Variants in ATP11A observed in about 807,000 individuals in gnomAD.
ATP11A encodes the protein phospholipid-transporting ATPase IH.
A neutral mutation model predicts 154.4 loss-of-function variants in ATP11A; 81 were observed. The ratio of observed to expected loss-of-function variants is 0.52; its 90% confidence interval spans 0.44 to 0.63. ATP11A has a LOEUF of 0.63. Ranked by LOEUF, ATP11A falls within the 30% of genes least tolerant of loss-of-function variation. ATP11A has a pLI of 0.00. For synonymous variants in ATP11A, 623 were observed against 585.9 expected (o/e 1.06, Z -0.91); for missense variants, 1,316 against 1,474.3 (o/e 0.89, Z 1.76).
At chr13:112,733,971 C>T (rs9577833) in intron 1 of ATP11A, among the ~76,000 whole-genome samples, 17 of 152,004 alleles carry the variant, frequency 1.1e-4, no homozygotes, top group African/African-American at 3.6e-4. Context: ...TTTCACTGAT[C>T]GGTCATTTGT....
At chr13:112,728,614 T>G (rs1434880708) in intron 1 of ATP11A, among the ~76,000 whole-genome samples, 1 of 147,570 alleles carries the variant, frequency 6.8e-6, no homozygotes, top group Non-Finnish European at 1.5e-5. Context: ...CGTGAGACCG[T>G]GCGGCCCGCC....
chr13:112,800,322 A>G (rs918981403), intron 2 of ATP11A, among the ~76,000 whole-genome samples: 2 of 152,194 alleles, frequency 1.3e-5, no homozygotes, highest in South Asian at 2.1e-4. Context: ...GGGCATCACT[A>G]CTGGTAACAT....
intron 1 of ATP11A, among the ~76,000 whole-genome samples, chr13:112,774,434 G>A (rs918569353): frequency 2.0e-5 from 3 of 152,220 alleles, no homozygotes; most frequent in Admixed American, 6.5e-5. Flanking sequence ...TTGGAGAAAT[G>A]GGAGACGATG....
At chr13:112,704,264 AGTT>A (rs770882816) in intron 1 of ATP11A, among the ~76,000 whole-genome samples, 2 of 152,188 alleles carry the variant, frequency 1.3e-5, no homozygotes, top group Non-Finnish European at 2.9e-5. Flanking sequence ...GTACTGGCCC[AGTT>A]GTTGTACGCA....
At chr13:112,740,154 A>ATCTC (rs1891402833) in intron 1 of ATP11A, among the ~76,000 whole-genome samples, 6 of 139,600 alleles carry the variant, frequency 4.3e-5, no homozygotes, top group African/African-American at 1.7e-4. Context: ...CTCTCTATAT[A>ATCTC]TATATATATA....
Position 112,862,491 on chromosome 13 carries a change from G to C in ATP11A, c.2907G>C (p.Thr969=), listed in dbSNP as rs201641974. ...LLRWRVFIYW[T]LLGLFDALVF... is the part of the protein sequence containing the mutation. ...GCTGGCGCGTGTTCATCTACTGGAC[G>C]CTCCTGGGACTGTTTGACGCACTGG... Residue 969 remains threonine, a synonymous_variant, in exon 25 of 30, where the codon ACG becomes ACC. Transcript: ENST00000375645. 6.2e-7 allele frequency: 1 copy of C among 1,614,018 alleles called. No individual in the cohort carries two copies. Among genetic ancestry groups the C allele is most frequent in the Non-Finnish European group, 8.5e-7 (1 of 1,180,002 alleles).
intron 8 of ATP11A, among the ~76,000 whole-genome samples, chr13:112,821,585 A>G (rs568317945): frequency 2.0e-4 from 31 of 152,340 alleles, no homozygotes; most frequent in African/African-American, 7.5e-4. Context: ...TATTGGGATT[A>G]TAGGCATGAG....
chr13:112,823,287 CCCG>C, intron 8 of ATP11A, 55 bp from the exon 9 acceptor site: 1 of 1,394,148 alleles, frequency 7.2e-7, no homozygotes, highest in Non-Finnish European at 1.0e-6. Context: ...CCTCTTGCCC[CCCG>C]CCCTGCCCAC....
chr13:112,843,172 C>T (rs181678724), intron 17 of ATP11A, among the ~76,000 whole-genome samples: 80 of 151,664 alleles, frequency 5.3e-4, no homozygotes, highest in African/African-American at 1.8e-3. Context: ...GAGTGACGCA[C>T]GGCTGAGTGC....
chr13:112,757,127 T>TA lies in ATP11A; in HGVS notation c.40-28007dup, dbSNP rs142047359. Among the ~76,000 whole-genome samples, 931 of 152,344 alleles carry TA rather than the reference T, an allele frequency of 6.1e-3. 9 individuals carry two copies. Among genetic ancestry groups the TA allele is most frequent in the African/African-American group, 0.022 (897 of 41,578 alleles). ...TTACTGCTGCTACAATCTGTAGTGT[T>TA]ACTGGTGGAGCTATGCAAGCTCGTG... On this transcript the variant is annotated intron_variant, in intron 1 of 29. Coordinates refer to ENST00000375645, the MANE Select transcript of ATP11A (RefSeq NM_015205.3).
chr13:112,728,903 G>A lies in ATP11A; in HGVS notation c.39+38448G>A, dbSNP rs182860709. Among the ~76,000 whole-genome samples the A allele has an allele frequency of 7.2e-3, 1,102 of 152,262 alleles. 9 individuals are homozygous for A. The highest frequency in any genetic ancestry group is 0.025 in the African/African-American group (1,041 of 41,536). ...ACAGTGGCTGCTGACCTCTGCTAGC[G>A]GCTTCCCTCCTGGGGGTGGCCCACT... On this transcript the variant is annotated intron_variant, in intron 1 of 29. Transcript: ENST00000375645.
chr13:112,768,820 C>T (rs1326975531), intron 1 of ATP11A, among the ~76,000 whole-genome samples: 1 of 152,118 alleles, frequency 6.6e-6, no homozygotes, highest in African/African-American at 2.4e-5. Context: ...ATCTGGAGGT[C>T]GGGTGCTGAG....
rs550093552 is a variant in ATP11A, at chr13:112,852,864, G to A, written c.1992-1415G>A. Among the ~76,000 whole-genome samples the A allele has an allele frequency of 6.6e-5, 10 of 152,208 alleles. No individual in the cohort carries two copies. The South Asian group carries it at 1.2e-3, about 19-fold the overall frequency. ...CTTATAATCTCCAGTCAGCAAGTGCGAAACATCTCTGAGCCTCAGCTTCCT... is the reference window on the plus strand; with the variant it reads ...CTTATAATCTCCAGTCAGCAAGTGCAAAACATCTCTGAGCCTCAGCTTCCT... On this transcript the variant is annotated intron_variant, in intron 18 of 29. Coordinates refer to ENST00000375645, the MANE Select transcript of ATP11A (RefSeq NM_015205.3).
rs2076773456 is a variant in ATP11A, at chr13:112,754,607, G to A, written c.40-30528G>A. 6.5e-6 allele frequency: 1 copy of A among 153,776 alleles called. No individual in the cohort carries two copies. Among genetic ancestry groups the A allele is most frequent in the East Asian group, 1.9e-4 (1 of 5,212 alleles). The allele number at this position is 153,776 out of a possible 1,614,324, so 9.5% of individuals were successfully genotyped here. On this transcript the variant is annotated intron_variant, in intron 1 of 29. Coordinates refer to ENST00000375645, the MANE Select transcript of ATP11A (RefSeq NM_015205.3). The surrounding 1 kb of genome is among the most constrained non-coding windows in gnomAD (Gnocchi z 5.3). Reference sequence around the variant, plus strand: ...CAGAACTTTCTCAGGCCACCTTCAGGGCCTCCTGGAGAGGTTGAGCCCCAG... The same window carrying A: ...CAGAACTTTCTCAGGCCACCTTCAGAGCCTCCTGGAGAGGTTGAGCCCCAG...
rs1892153749 is a variant in ATP11A at position 112,746,402 on chromosome 13, C to T, written c.40-38733C>T. The T allele has an allele frequency of 6.6e-6, 1 of 152,102 alleles. No individual in the cohort carries two copies. Among genetic ancestry groups the T allele is most frequent in the African/African-American group, 2.4e-5 (1 of 41,396 alleles). The allele number at this position is 152,102 out of a possible 1,614,324, so 9.4% of individuals were successfully genotyped here. A position where few individuals can be genotyped will look rare whatever the true frequency, so the allele number is the denominator to read the frequency against. On this transcript the variant is annotated intron_variant, in intron 1 of 29. Coordinates refer to ENST00000375645, the MANE Select transcript of ATP11A (RefSeq NM_015205.3). The surrounding 1 kb of genome is among the most constrained non-coding windows in gnomAD (Gnocchi z 4.1). ...CTGGGGTTCCGGTTCCCCACGTCCT[C>T]ACCGGGTAACTGGGGTTCCGGCTCC...
chr13:112,708,791 C>A (rs79977958), intron 1 of ATP11A, among the ~76,000 whole-genome samples: 3 of 152,206 alleles, frequency 2.0e-5, no homozygotes, highest in Non-Finnish European at 4.4e-5. Flanking sequence ...TAGCTTTGGT[C>A]GTCTTCCAAC....
At position 112,878,241 on chromosome 13, in the gene ATP11A, G is replaced by C; in HGVS notation, c.3352G>C (p.Glu1118Gln). 6.2e-7 allele frequency: 1 copy of C among 1,614,194 alleles called. No homozygotes were observed. Among genetic ancestry groups the C allele is most frequent in the Non-Finnish European group, 8.5e-7 (1 of 1,180,034 alleles). The change falls in exon 29 of 30, where the codon GAG (glutamate) becomes CAG (glutamine). Residue 1118 changes from glutamate to glutamine, a missense_variant. By Grantham distance (29) the Glu-to-Gln change is conservative. Around this residue, in one of 5 missense-constraint regions of ATP11A, gnomAD observed 294 missense variants for 290.2 expected, o/e 1.01. Transcript: ENST00000375645. ...GACTAAGAGCCAGTGCCTTTCTGTCGAGCAGTCAACCATCTTTATGCTTTC... is the reference window on the plus strand; with the variant it reads ...GACTAAGAGCCAGTGCCTTTCTGTCCAGCAGTCAACCATCTTTATGCTTTC... Reference protein sequence around the residue: ...VQTKSQCLSVEQSTIFMLSQT... With the variant: ...VQTKSQCLSVQQSTIFMLSQT...
chr13:112,826,827 T>G lies in ATP11A; in HGVS notation c.1157T>G (p.Phe386Cys). The change falls in exon 12 of 30, where the codon TTT becomes TGT. Residue 386 changes from phenylalanine to cysteine, a missense_variant. By Grantham distance (205) the Phe-to-Cys change is radical (BLOSUM62 -2). Around this residue, in one of 5 missense-constraint regions of ATP11A, gnomAD observed 876 missense variants for 1,006.8 expected, o/e 0.87. Coordinates refer to ENST00000375645, the MANE Select transcript of ATP11A (RefSeq NM_015205.3). ...SYFITWDEDM[F>C]DEETGEGPLV... is the part of the protein sequence containing the mutation. ...TTCATCACCTGGGACGAAGACATGTTTGACGAGGAGACTGGCGAGGGGCCT... is the reference window on the plus strand; with the variant it reads ...TTCATCACCTGGGACGAAGACATGTGTGACGAGGAGACTGGCGAGGGGCCT... 6.2e-7 allele frequency: 1 copy of G among 1,614,194 alleles called. No homozygotes were observed. The highest frequency in any genetic ancestry group is 8.5e-7 in the Non-Finnish European group (1 of 1,180,042).
chr13:112,755,037 G>A (rs999805584), intron 1 of ATP11A, among the ~76,000 whole-genome samples: 6 of 152,260 alleles, frequency 3.9e-5, no homozygotes, highest in African/African-American at 1.4e-4. Flanking sequence ...AGTAGCCAGG[G>A]CGCCGTCGTC....
Sources: allele counts gnomAD v4.1 joint callset (sites outside exome capture counted in the v4.1 genomes callset), GRCh38; gene constraint gnomAD v4.1.1; regional missense constraint gnomAD v4.1.1; non-coding constraint Gnocchi (gnomAD v3.1); transcripts MANE v1.5; gene names NCBI Gene and HGNC (gene_info 2026-07-23, HGNC 2026-07-21).